Variants in TMEM74 observed in about 807,000 individuals in gnomAD.
TMEM74 encodes the protein transmembrane protein 74.
Under a neutral mutation model 18.1 loss-of-function variants are expected in TMEM74, and 13 were observed. The observed-to-expected ratio is 0.72, with a 90% CI of 0.47 to 1.14. TMEM74 has a LOEUF of 1.14. TMEM74 is among the 50% of genes most tolerant of loss of function. The pLI is 0.00. For synonymous variants in TMEM74, 159 were observed against 146.6 expected (o/e 1.08, Z -0.61); for missense variants, 372 against 375.9 (o/e 0.99, Z 0.09).
At chr8:108,756,552 G>GAAAGAAAGAAAGA (rs1813961930) in intron 1 of TMEM74, among the ~76,000 whole-genome samples, 1 of 45,184 alleles carries the variant, frequency 2.2e-5, no homozygotes, top group African/African-American at 1.1e-4. Flanking sequence ...GTAAAGAAAA[G>GAAAGAAAGAAAGA]AAAGAAAGAA....
At chr8:108,746,619 G>A (rs1813850753) in intron 1 of TMEM74, among the ~76,000 whole-genome samples, 2 of 152,052 alleles carry the variant, frequency 1.3e-5, no homozygotes, top group South Asian at 4.1e-4. Flanking sequence ...TCTTTTATGT[G>A]CTTATAAGAT....
At chr8:108,723,253 A>C (rs1342454016) in intron 1 of TMEM74, among the ~76,000 whole-genome samples, 1 of 152,242 alleles carries the variant, frequency 6.6e-6, no homozygotes, top group Non-Finnish European at 1.5e-5. Context: ...TTATATATGC[A>C]TTTGTTAAAT....
intron 1 of TMEM74, among the ~76,000 whole-genome samples, chr8:108,670,493 G>C (rs1038474570): frequency 3.9e-5 from 6 of 152,114 alleles, no homozygotes; most frequent in African/African-American, 1.2e-4. Context: ...GTGTGGTTGT[G>C]GCTGAGTCTT....
intron 1 of TMEM74, among the ~76,000 whole-genome samples, chr8:108,684,630 C>A (rs1459887619): frequency 6.7e-6 from 1 of 150,238 alleles, no homozygotes; most frequent in African/African-American, 2.4e-5. Context: ...CTTTTAAGGT[C>A]TTATTCATAA....
intron 1 of TMEM74, among the ~76,000 whole-genome samples, chr8:108,744,485 G>T (rs1394468786): frequency 1.3e-5 from 2 of 152,156 alleles, no homozygotes; most frequent in Non-Finnish European, 2.9e-5. Flanking sequence ...GGAAAGGCAG[G>T]TATGAAGAAG....
chr8:108,746,587 C>G (rs1405525999), intron 1 of TMEM74, among the ~76,000 whole-genome samples: 2 of 151,866 alleles, frequency 1.3e-5, no homozygotes, highest in African/African-American at 2.4e-5. Context: ...CTCCTAAAAC[C>G]CTTGGAATTT....
chr8:108,657,883 T>A (rs866103103), intron 1 of TMEM74, among the ~76,000 whole-genome samples: 204 of 113,682 alleles, frequency 1.8e-3, no homozygotes, highest in Middle Eastern at 4.6e-3. Flanking sequence ...TATATATATA[T>A]ATATATATAT....
At chr8:108,641,136 T>C (rs916474705) in intron 2 of TMEM74, among the ~76,000 whole-genome samples, 1 of 152,162 alleles carries the variant, frequency 6.6e-6, no homozygotes, top group Non-Finnish European at 1.5e-5. Context: ...AGAATGATTT[T>C]AGAAGATCAG....
Position 108,781,166 on chromosome 8 carries a change from C to T in TMEM74, c.*3015G>A, listed in dbSNP as rs922623263. ...TAAAACCATGTAAATAAGCTAAAGACCTAGAACCACTGAAATATGTTTTTC... is the reference window on the plus strand; with the variant it reads ...TAAAACCATGTAAATAAGCTAAAGATCTAGAACCACTGAAATATGTTTTTC... On this transcript the variant is annotated 3_prime_UTR_variant, in exon 2 of 2. Transcript: ENST00000297459. Among the ~76,000 whole-genome samples, 3 of 152,068 alleles carry T rather than the reference C, an allele frequency of 2.0e-5. No homozygotes were observed. Among genetic ancestry groups the T allele is most frequent in the Non-Finnish European group, 4.4e-5 (3 of 68,024 alleles).
intron 1 of TMEM74, among the ~76,000 whole-genome samples, chr8:108,679,315 A>G (rs1474035039): frequency 1.3e-5 from 2 of 152,196 alleles, no homozygotes; most frequent in Non-Finnish European, 2.9e-5. Context: ...TCCCTGAGGA[A>G]TCTCCACATT....
chr8:108,629,725 G>A lies in TMEM74; in HGVS notation n.265-20899C>T, dbSNP rs754770013. Among the ~76,000 whole-genome samples the A allele has an allele frequency of 3.4e-3, 512 of 151,948 alleles. 1 individual carries two copies. The highest frequency in any genetic ancestry group is 5.4e-3 in the Non-Finnish European group (368 of 67,900). Reference sequence around the variant, plus strand: ...ATTTTCAACCCAGAATTTTATATCTGGTCAAACAAAGCTTTATAAGCAAAG... The same window carrying A: ...ATTTTCAACCCAGAATTTTATATCTAGTCAAACAAAGCTTTATAAGCAAAG... On this transcript the variant is annotated intron_variant and non_coding_transcript_variant, in intron 2 of 3. Transcript: ENST00000518838.
At chr8:108,702,938 AAAG>A (rs1438073910) in intron 1 of TMEM74, among the ~76,000 whole-genome samples, 3 of 151,972 alleles carry the variant, frequency 2.0e-5, no homozygotes, top group Non-Finnish European at 4.4e-5. Context: ...AAAAAAAAAA[AAAG>A]AAGCAGAAGA....
At chr8:108,667,691 C>A (rs1020554110) in intron 1 of TMEM74, among the ~76,000 whole-genome samples, 1 of 152,006 alleles carries the variant, frequency 6.6e-6, no homozygotes, top group Non-Finnish European at 1.5e-5. Context: ...TGGTCTCATT[C>A]ATCATTTCTC....
chr8:108,710,388 G>T (rs754142798), intron 1 of TMEM74, among the ~76,000 whole-genome samples: 6 of 152,174 alleles, frequency 3.9e-5, no homozygotes, highest in Non-Finnish European at 8.8e-5. Context: ...AGTCATGCTT[G>T]CCACTGTCTA....
rs1814367131 is a variant in TMEM74, at chr8:108,785,128, T to G, written c.-30A>C. 6.5e-7 allele frequency: 1 copy of G among 1,542,988 alleles called. No homozygotes were observed. The highest frequency in any genetic ancestry group is 8.7e-7 in the Non-Finnish European group (1 of 1,149,408). ...GCTAGTCAGACATCCCCCAGCAGCTTCCGGAAAGTCTGCCAATAGCAACAG... is the reference window on the plus strand; with the variant it reads ...GCTAGTCAGACATCCCCCAGCAGCTGCCGGAAAGTCTGCCAATAGCAACAG... On this transcript the variant is annotated 5_prime_UTR_variant, in exon 2 of 2. Coordinates refer to ENST00000297459, the MANE Select transcript of TMEM74 (RefSeq NM_153015.3).
At chr8:108,722,928 C>A (rs1339287559) in intron 1 of TMEM74, among the ~76,000 whole-genome samples, 1 of 152,124 alleles carries the variant, frequency 6.6e-6, no homozygotes, top group Non-Finnish European at 1.5e-5. Context: ...AAGATCAGGT[C>A]CTTTGTTTAC....
intron 1 of TMEM74, among the ~76,000 whole-genome samples, chr8:108,704,855 G>A (rs536774919): frequency 6.6e-6 from 1 of 152,290 alleles, no homozygotes; most frequent in South Asian, 2.1e-4. Flanking sequence ...ATAAAGGGGA[G>A]TACAAGTGTC....
intron 2 of TMEM74, among the ~76,000 whole-genome samples, chr8:108,616,323 A>G (rs551087718): frequency 4.3e-4 from 65 of 152,348 alleles, no homozygotes; most frequent in Middle Eastern, 6.8e-3. Flanking sequence ...AAACAAATAA[A>G]GAACAGTAAA....
chr8:108,641,801 A>G (rs1812667622), intron 2 of TMEM74, among the ~76,000 whole-genome samples: 2 of 152,106 alleles, frequency 1.3e-5, no homozygotes, highest in South Asian at 4.1e-4. Flanking sequence ...CTTCTCCTTC[A>G]TCTTAAGTTG....
Sources: allele counts gnomAD v4.1 joint callset (sites outside exome capture counted in the v4.1 genomes callset), GRCh38; gene constraint gnomAD v4.1.1; transcripts MANE v1.5; gene names NCBI Gene and HGNC (gene_info 2026-07-23, HGNC 2026-07-21).